The following HSD17B11 variants were observed in gnomAD, a reference collection of about 807,000 sequenced individuals.
HSD17B11 encodes the protein hydroxysteroid 17-beta dehydrogenase 11.
A neutral mutation model predicts 27.8 loss-of-function variants in HSD17B11; 22 were observed. The observed-to-expected ratio is 0.79, with a 90% CI of 0.56 to 1.13. The LOEUF (loss-of-function observed/expected upper bound fraction) is 1.13. HSD17B11 is among the 50% of genes most tolerant of loss of function. HSD17B11 has a pLI of 0.00. For synonymous variants in HSD17B11, 117 were observed against 132.8 expected (o/e 0.88, Z 0.82); for missense variants, 314 against 351.1 (o/e 0.89, Z 0.84).
At chr4:87,380,863 C>CAAAAA (rs561938045) in intron 2 of HSD17B11, among the ~76,000 whole-genome samples, 3 of 74,728 alleles carry the variant, frequency 4.0e-5, no homozygotes, top group African/African-American at 1.6e-4. Context: ...GACTCTATCT[C>CAAAAA]AAAAAAAAAA....
chr4:87,389,796 T>C lies in HSD17B11; in HGVS notation c.210+1065A>G, dbSNP rs148385165. On this transcript the variant is annotated intron_variant, in intron 1 of 6. Coordinates refer to ENST00000358290, the MANE Select transcript of HSD17B11 (RefSeq NM_016245.5). ...AACCCCTTTGTTCATCTACCAAAGG[T>C]CAAATAAAAGGTTGGATTCTAGGTC... Among the ~76,000 whole-genome samples the C allele has an allele frequency of 4.4e-3, 669 of 152,260 alleles. 6 individuals are homozygous for C. Among genetic ancestry groups the C allele is most frequent in the African/African-American group, 0.015 (619 of 41,538 alleles).
intron 5 of HSD17B11, among the ~76,000 whole-genome samples, chr4:87,341,669 T>C (rs1735171724): frequency 1.3e-5 from 2 of 152,048 alleles, no homozygotes; most frequent in African/African-American, 4.8e-5. Context: ...GAGATCAGCC[T>C]AGCCATCATG....
At chr4:87,365,144 G>T (rs1578039983) in intron 4 of HSD17B11, among the ~76,000 whole-genome samples, 1 of 152,194 alleles carries the variant, frequency 6.6e-6, no homozygotes, top group East Asian at 1.9e-4. Context: ...ACTCCAGCCT[G>T]GGTGACAAGA....
Position 87,358,151 on chromosome 4 carries a change from CG to C in HSD17B11, c.558-736del, listed in dbSNP as rs1300776653. 2.0e-5 allele frequency among the ~76,000 whole-genome samples: 3 copies of C among 151,852 alleles called. No homozygotes were observed. The East Asian group carries it at 5.8e-4, about 29-fold the overall frequency. On this transcript the variant is annotated intron_variant, in intron 4 of 6. Transcript: ENST00000358290. ...TAATTTTTTGTATTTTTAGTAGAGA[CG>C]GGTTTTCACCATGTTAGCCAGGATG...
chr4:87,358,313 T>C lies in HSD17B11; in HGVS notation c.558-897A>G, dbSNP rs141616881. On this transcript the variant is annotated intron_variant, in intron 4 of 6. Coordinates refer to ENST00000358290, the MANE Select transcript of HSD17B11 (RefSeq NM_016245.5). ...TCCCACACCTTTCCTATAAGCTCCA[T>C]GACTGTTTTGGTCACCAGTGAATCT... Among the ~76,000 whole-genome samples, 102 of 152,270 alleles carry C rather than the reference T, an allele frequency of 6.7e-4. 1 individual carries two copies. The highest frequency in any genetic ancestry group is 6.8e-3 in the Middle Eastern group (2 of 294).
In HSD17B11 at chr4:87,337,145, C is replaced by T; in HGVS notation, c.*131G>A. ...AACAAGTGGTAGTAAATGAAGACTGCCAAAGCCTCAAAAATGATATTGAAG... is the reference window on the plus strand; with the variant it reads ...AACAAGTGGTAGTAAATGAAGACTGTCAAAGCCTCAAAAATGATATTGAAG... On this transcript the variant is annotated 3_prime_UTR_variant, in exon 7 of 7. Coordinates refer to ENST00000358290, the MANE Select transcript of HSD17B11 (RefSeq NM_016245.5). 1.4e-6 allele frequency: 1 copy of T among 690,118 alleles called. No homozygotes were observed. The allele number at this position is 690,118 out of a possible 1,614,324, so 42.7% of individuals were successfully genotyped here.
intron 5 of HSD17B11, among the ~76,000 whole-genome samples, chr4:87,355,857 T>C (rs1353015884): frequency 6.6e-6 from 1 of 151,828 alleles, no homozygotes. Flanking sequence ...TGAGCCGAGA[T>C]TGCGCCACTG....
chr4:87,373,136 T>TC (rs1735753824), intron 3 of HSD17B11: 1 of 214,358 alleles, frequency 4.7e-6, no homozygotes, highest in Admixed American at 5.8e-5. Context: ...GGTCAGGAGT[T>TC]CAAGACCAGC....
chr4:87,379,748 A>G (rs950569867), intron 2 of HSD17B11, among the ~76,000 whole-genome samples: 50 of 137,888 alleles, frequency 3.6e-4, no homozygotes, highest in Admixed American at 1.1e-3. Context: ...AGTATACTAT[A>G]GTATAATATA....
chr4:87,343,737 G>A (rs545225587), intron 5 of HSD17B11, among the ~76,000 whole-genome samples: 5 of 151,908 alleles, frequency 3.3e-5, no homozygotes, highest in Admixed American at 1.3e-4. Context: ...TAGTAGAGAC[G>A]GGGTTTCACC....
At chr4:87,374,867 G>A in intron 2 of HSD17B11, 37 bp from the exon 3 acceptor site, 1 of 1,486,370 alleles carries the variant, frequency 6.7e-7, no homozygotes, top group Non-Finnish European at 9.1e-7. Flanking sequence ...AATTCATTAA[G>A]AGGTATGAGG....
chr4:87,377,083 T>C (rs1166829527), intron 2 of HSD17B11, among the ~76,000 whole-genome samples: 2 of 151,958 alleles, frequency 1.3e-5, no homozygotes, highest in African/African-American at 2.4e-5. Context: ...TGAGCTGAGA[T>C]TGCACCATTG....
chr4:87,347,103 A>ATTTTTTTTTTTTTTTTTTT (rs763068482), intron 5 of HSD17B11, among the ~76,000 whole-genome samples: 1 of 62,596 alleles, frequency 1.6e-5, no homozygotes, highest in Non-Finnish European at 2.7e-5. Context: ...AGTATTCTGG[A>ATTTTTTTTTTTTTTTTTTT]TTTTTTTTTT....
chr4:87,347,131 T>A (rs1454053366), intron 5 of HSD17B11, among the ~76,000 whole-genome samples: 1 of 108,232 alleles, frequency 9.2e-6, no homozygotes, highest in East Asian at 2.1e-4. Flanking sequence ...TTTTTTTTTT[T>A]TTTTTATTAT....
At chr4:87,378,850 ATATAT>A (rs1415834009) in intron 2 of HSD17B11, among the ~76,000 whole-genome samples, 2 of 22,952 alleles carry the variant, frequency 8.7e-5, no homozygotes, top group Non-Finnish European at 1.6e-4. Flanking sequence ...ATATAAATAT[ATATAT>A]AAATATATAT....
At chr4:87,367,168 G>A (rs1735626034) in intron 4 of HSD17B11, among the ~76,000 whole-genome samples, 1 of 152,176 alleles carries the variant, frequency 6.6e-6, no homozygotes, top group East Asian at 1.9e-4. Context: ...TTTGTAATGG[G>A]ACACTATTGG....
rs541291816 is a variant in HSD17B11 at position 87,340,683 on chromosome 4, T to G, written c.696-77A>C. 5.3e-5 allele frequency: 48 copies of G among 905,334 alleles called. No homozygotes were observed. The African/African-American group carries it at 6.2e-4, about 12-fold the overall frequency. 56.1% of individuals were successfully genotyped at this position (905,334 alleles called of 1,614,324 possible). ...TTTAGTTTGGTGCTAACCAACAGCT[T>G]TAGTATGGTACAGACACCATAACAT... On this transcript the variant is annotated intron_variant, in intron 5 of 6. Coordinates refer to ENST00000358290, the MANE Select transcript of HSD17B11 (RefSeq NM_016245.5).
Position 87,374,846 on chromosome 4 carries a change from T to C in HSD17B11, c.319-16A>G. ...CTGCCTTCACCTTCAAAAAATAAAA[T>C]AAGAAAAGTAAATTCATTAAGAGGT... On this transcript the variant is annotated splice_polypyrimidine_tract_variant and intron_variant, in intron 2 of 6. Coordinates refer to ENST00000358290, the MANE Select transcript of HSD17B11 (RefSeq NM_016245.5). 1 of 1,538,674 alleles carries C rather than the reference T, an allele frequency of 6.5e-7. No individual in the cohort carries two copies. Among genetic ancestry groups the C allele is most frequent in the Non-Finnish European group, 8.8e-7 (1 of 1,136,026 alleles).
In HSD17B11 at chr4:87,337,282, C is replaced by A. The variant is rs762262793; in HGVS notation, c.897G>T (p.Ala299=). The part of the protein sequence containing the change: ...FDAVIGYKMK[A]Q ...TTTTCAGAAAACTAGGTGCTTATTG[C>A]GCTTTCATTTTATATCCAATAACTG... The change falls in exon 7 of 7, where the codon GCG becomes GCT. Residue 299 remains alanine (A), a synonymous_variant. Transcript: ENST00000358290. 1.3e-6 allele frequency: 2 copies of A among 1,590,396 alleles called. No homozygotes were observed. Among genetic ancestry groups the A allele is most frequent in the Admixed American group, 3.4e-5 (2 of 59,470 alleles).
Sources: allele counts gnomAD v4.1 joint callset (sites outside exome capture counted in the v4.1 genomes callset), GRCh38; gene constraint gnomAD v4.1.1; transcripts MANE v1.5; gene names NCBI Gene and HGNC (gene_info 2026-07-23, HGNC 2026-07-21).